Variants in ARAP3 observed in about 807,000 individuals in gnomAD.
ARAP3 encodes ArfGAP with RhoGAP domain, ankyrin repeat and PH domain 3.
A neutral mutation model predicts 169.2 loss-of-function variants in ARAP3; 82 were observed. The observed-to-expected ratio is 0.48, with a 90% CI of 0.41 to 0.58. The LOEUF is 0.58. ARAP3 is among the 20% of genes least tolerant of loss of function. The pLI is 0.00. For synonymous variants in ARAP3, 791 were observed against 800.3 expected (o/e 0.99, Z 0.20); for missense variants, 1,764 against 2,018.0 (o/e 0.87, Z 2.41).
intron 1 of ARAP3, among the ~76,000 whole-genome samples, chr5:141,681,846 C>T (rs2099913034): frequency 6.6e-6 from 1 of 152,128 alleles, no homozygotes; most frequent in Non-Finnish European, 1.5e-5. Context: ...CAAGCCAGGG[C>T]CCGCGTGCTG....
At chr5:141,675,309 G>A (rs2099912015) in intron 4 of ARAP3, among the ~76,000 whole-genome samples, 1 of 151,880 alleles carries the variant, frequency 6.6e-6, no homozygotes, top group Non-Finnish European at 1.5e-5. Flanking sequence ...AATCACTTGG[G>A]AAACATTAAA....
rs767614280 is a variant in ARAP3 at position 141,669,906 on chromosome 5, A to T, written c.2249+16T>A. 18 of 1,607,208 alleles carry T rather than the reference A, an allele frequency of 1.1e-5. No individual in the cohort carries two copies. The highest frequency in any genetic ancestry group is 1.5e-5 in the Non-Finnish European group (18 of 1,175,422). On this transcript the variant is annotated intron_variant, in intron 15 of 32. Coordinates refer to ENST00000239440, the MANE Select transcript of ARAP3 (RefSeq NM_022481.6). Reference sequence around the variant, plus strand: ...GAGAAAAGGGGGAAGCTCAGTGGTCACAGAAGGGCTATTACCTGTCACCTG... The same window carrying T: ...GAGAAAAGGGGGAAGCTCAGTGGTCTCAGAAGGGCTATTACCTGTCACCTG...
intron 23 of ARAP3, 73 bp from the exon 24 acceptor site, chr5:141,658,726 G>T (rs375179821): frequency 1.5e-6 from 2 of 1,335,544 alleles, no homozygotes; most frequent in South Asian, 2.9e-5. Context: ...AGGGTTCCTC[G>T]TGTTGCCTCA....
At chr5:141,658,696 G>A in intron 23 of ARAP3, 43 bp from the exon 24 acceptor site, 5 of 1,526,520 alleles carry the variant, frequency 3.3e-6, no homozygotes, top group Non-Finnish European at 4.4e-6. Context: ...AAAAAAGGGT[G>A]CAAAAGACAT....
In ARAP3 at chr5:141,673,676, G is replaced by A; in HGVS notation, c.831C>T (p.Ala277=). 6.2e-7 allele frequency: 1 copy of A among 1,614,238 alleles called. No individual in the cohort carries two copies. Among genetic ancestry groups the A allele is most frequent in the Non-Finnish European group, 8.5e-7 (1 of 1,180,054 alleles). The change falls in exon 5 of 33, where the codon GCC becomes GCT. Residue 277 remains alanine (A), a synonymous_variant. Coordinates refer to ENST00000239440, the MANE Select transcript of ARAP3 (RefSeq NM_022481.6). The part of the protein sequence containing the change: ...ETSDDLISPY[A]SFSFTADRLT... ...GGCGGTCTGCCGTGAAGGAGAAGCT[G>A]GCATAGGGTGAAATGAGGTCATCAC... is the stretch of plus-strand genomic sequence containing the variant.
chr5:141,676,702 G>A (rs71585382), intron 4 of ARAP3, among the ~76,000 whole-genome samples: 24,273 of 152,052 alleles, frequency 0.16, 2,243 homozygotes, highest in Middle Eastern at 0.26. Flanking sequence ...TCTTCTGTCC[G>A]TTTTGCAGAT....
At chr5:141,676,415 C>T (rs1050070923) in intron 4 of ARAP3, among the ~76,000 whole-genome samples, 1 of 152,208 alleles carries the variant, frequency 6.6e-6, no homozygotes, top group Non-Finnish European at 1.5e-5. Flanking sequence ...ACTCTCTGCT[C>T]TTCTTTGCAG....
In ARAP3 at chr5:141,679,677, C is replaced by T. The variant is rs201460280; in HGVS notation, c.587-21G>A. On this transcript the variant is annotated intron_variant, in intron 3 of 32. Transcript: ENST00000239440. ...GTGCACTGGCAGGAGGAGAGGGGAA[C>T]GCACAAGGAAGAGGAGATCGCTGGG... The T allele has an allele frequency of 3.1e-3, 4,939 of 1,613,848 alleles. 9 individuals carry two copies. The highest frequency in any genetic ancestry group is 3.9e-3 in the Non-Finnish European group (4,585 of 1,179,796).
intron 21 of ARAP3, among the ~76,000 whole-genome samples, chr5:141,660,381 C>A (rs892284548): frequency 6.6e-6 from 1 of 151,378 alleles, no homozygotes; most frequent in Admixed American, 6.6e-5. Context: ...GTAGTCCCAG[C>A]TACTCGGGAG....
intron 18 of ARAP3, 22 bp from the exon 19 acceptor site, chr5:141,665,107 T>A (rs1170475009): frequency 6.3e-7 from 1 of 1,599,456 alleles, no homozygotes. Flanking sequence ...GAGGCCTGAA[T>A]CAGAGCCAGC....
chr5:141,662,233 G>T lies in ARAP3; in HGVS notation c.2823C>A (p.Tyr941Ter). The T allele has an allele frequency of 6.2e-7, 1 of 1,614,148 alleles. No homozygotes were observed. Among genetic ancestry groups the T allele is most frequent in the Non-Finnish European group, 8.5e-7 (1 of 1,180,038 alleles). Residue 941 changes from tyrosine (Y) to a stop codon, truncating the protein, a stop_gained, in exon 20 of 33, where the codon TAC (tyrosine) becomes TAA (stop). Coordinates refer to ENST00000239440, the MANE Select transcript of ARAP3 (RefSeq NM_022481.6). LOFTEE classifies it high-confidence loss of function. ...TQHGLRLEGV[Y>*]RKGGARARSL... ...TGCGGGCACGAGCGCCCCCTTTCCG[G>T]TATACACCTTCCAGCCGGAGCCCTG...
rs760341696 is a variant in ARAP3, at chr5:141,658,354, G to A, written c.3526+11C>T. 1 of 1,611,894 alleles carries A rather than the reference G, an allele frequency of 6.2e-7. No homozygotes were observed. Among genetic ancestry groups the A allele is most frequent in the Non-Finnish European group, 8.5e-7 (1 of 1,179,394 alleles). ...ACACATGCATGAACACACAGGCGTG[G>A]TCATACTCACCCAGCTCCCCATGCT... On this transcript the variant is annotated intron_variant, in intron 25 of 32. Transcript: ENST00000239440.
chr5:141,665,423 G>C, intron 17 of ARAP3, 49 bp from the exon 18 acceptor site: 1 of 1,587,524 alleles, frequency 6.3e-7, no homozygotes. Flanking sequence ...CTTCATTATA[G>C]AGACTATTAT....
At chr5:141,676,319 G>C (rs779265311) in intron 4 of ARAP3, among the ~76,000 whole-genome samples, 1 of 152,218 alleles carries the variant, frequency 6.6e-6, no homozygotes, top group Non-Finnish European at 1.5e-5. Flanking sequence ...CTGCACTCCA[G>C]CTTGGGTGAC....
At chr5:141,676,146 G>A (rs1008066929) in intron 4 of ARAP3, among the ~76,000 whole-genome samples, 2 of 152,074 alleles carry the variant, frequency 1.3e-5, no homozygotes, top group African/African-American at 2.4e-5. Flanking sequence ...TCAAGAGGTC[G>A]AGACCATCCT....
At chr5:141,663,037 G>T (rs2099910171) in intron 19 of ARAP3, among the ~76,000 whole-genome samples, 1 of 152,134 alleles carries the variant, frequency 6.6e-6, no homozygotes. Flanking sequence ...ATTTCCTCTG[G>T]GGCAGTGATC....
At chr5:141,677,721 T>A (rs2099912368) in intron 4 of ARAP3, among the ~76,000 whole-genome samples, 1 of 152,108 alleles carries the variant, frequency 6.6e-6, no homozygotes, top group Admixed American at 6.6e-5. Context: ...AAAGCCAAAG[T>A]CCCTTATCTG....
Position 141,659,902 on chromosome 5 carries a change from G to T in ARAP3, c.3144C>A (p.Asn1048Lys). The T allele has an allele frequency of 6.4e-7, 1 of 1,573,888 alleles. No individual in the cohort carries two copies. Among genetic ancestry groups the T allele is most frequent in the Non-Finnish European group, 8.6e-7 (1 of 1,158,958 alleles). ...LYRVQKCAAL[N>K]QMCTRNLALL... The stretch of plus-strand genomic sequence containing the variant: ...GAGCCAAGTTCCGCGTGCACATCTG[G>T]TTTAGAGCCGCACATTTCTGCACCC... The change falls in exon 22 of 33, where the codon AAC becomes AAA. Residue 1048 changes from asparagine (N) to lysine (K), a missense_variant. Around this residue, in one of 3 missense-constraint regions of ARAP3, gnomAD observed 1,112 missense variants for 1,285.7 expected, o/e 0.86. Transcript: ENST00000239440.
intron 16 of ARAP3, chr5:141,666,852 T>C: frequency 2.4e-6 from 1 of 409,156 alleles, no homozygotes; most frequent in Non-Finnish European, 4.3e-6. Context: ...AGGAAAGAAA[T>C]TCAATTCAAT....
Sources: allele counts gnomAD v4.1 joint callset (sites outside exome capture counted in the v4.1 genomes callset), GRCh38; gene constraint gnomAD v4.1.1; regional missense constraint gnomAD v4.1.1; transcripts MANE v1.5; gene names NCBI Gene and HGNC (gene_info 2026-07-23, HGNC 2026-07-21).